SLC27A1: variants seen among roughly 807,000 people sequenced by gnomAD.
SLC27A1 encodes the protein long-chain fatty acid transport protein 1.
SLC27A1 carries 61 observed loss-of-function variants against 62.2 expected under a neutral mutation model. The observed-to-expected ratio is 0.98, with a 90% confidence interval of 0.80 to 1.21. The LOEUF (loss-of-function observed/expected upper bound fraction) is 1.21. SLC27A1 is among the 50% of genes most tolerant of loss of function. The pLI, the probability that SLC27A1 is intolerant of heterozygous loss-of-function variation, is 0.00. For missense variants in SLC27A1, 903 were observed against 932.1 expected, an observed-to-expected ratio of 0.97 and a Z score of 0.41; for synonymous variants, 435 against 408.6, an observed-to-expected ratio of 1.06 and a Z score of -0.78.
chr19:17,488,978 GGGAC>G (rs1237719151), intron 5 of SLC27A1, 26 bp from the exon 6 acceptor site: 2 of 1,613,888 alleles, frequency 1.2e-6, no homozygotes, highest in Admixed American at 3.3e-5. Context: ...GTGGGGGCGG[GGGAC>G]CCCTTACCAA....
chr19:17,502,446 G>A (rs368369743), intron 11 of SLC27A1, among the ~76,000 whole-genome samples: 3 of 139,330 alleles, frequency 2.2e-5, no homozygotes, highest in East Asian at 4.2e-4. Flanking sequence ...CTACCTCCTG[G>A]GTTCAAGCGA....
Position 17,470,574 on chromosome 19 carries a change from G to T in SLC27A1, c.34G>T (p.Val12Phe). ...RAPGAGAASV[V>F]SLALLWLLGL... is the part of the protein sequence containing the mutation. ...TCCGGGTGCGGGCGCGGCCTCGGTG[G>T]TCTCGCTGGCGCTGTTGTGGCTGCT... is the stretch of plus-strand genomic sequence containing the variant. The change falls in exon 1 of 12, where the codon GTC becomes TTC. Residue 12 changes from valine (V) to phenylalanine (F), a missense_variant. By Grantham distance (50) the Val-to-Phe change is conservative. Coordinates refer to ENST00000252595, the MANE Select transcript of SLC27A1 (RefSeq NM_198580.3). 2.5e-6 allele frequency: 4 copies of T among 1,570,390 alleles called. No homozygotes were observed. In the African/African-American group the frequency reaches 4.1e-5, roughly 16 times the overall value.
At chr19:17,502,921 C>T (rs572175680) in intron 11 of SLC27A1, among the ~76,000 whole-genome samples, 4 of 152,098 alleles carry the variant, frequency 2.6e-5, no homozygotes, top group South Asian at 2.1e-4. Flanking sequence ...AAGACATATC[C>T]GAGACTGGGT....
rs1490232290 is a variant in SLC27A1, at chr19:17,505,262, G to GT, written c.*651dup. The stretch of plus-strand genomic sequence containing the variant: ...TCCTGGGAGCTGCATCTTGTGTAGG[G>GT]TCCAGCTGCTTTTGGGGACTGCAGG... On this transcript the variant is annotated 3_prime_UTR_variant, in exon 12 of 12. Transcript: ENST00000252595. 1 of 221,392 alleles carries GT rather than the reference G, an allele frequency of 4.5e-6. No homozygotes were observed. The highest frequency in any genetic ancestry group is 2.3e-5 in the African/African-American group (1 of 42,784). 13.7% of individuals were successfully genotyped at this position (221,392 alleles called of 1,614,324 possible).
intron 1 of SLC27A1, among the ~76,000 whole-genome samples, chr19:17,477,296 G>A (rs1451817210): frequency 7.8e-6 from 1 of 128,394 alleles, no homozygotes; most frequent in Non-Finnish European, 1.6e-5. Context: ...GCCCAGGCTG[G>A]AGTGCAGTGG....
intron 11 of SLC27A1, among the ~76,000 whole-genome samples, chr19:17,501,992 T>C (rs887608987): frequency 2.6e-5 from 4 of 150,980 alleles, no homozygotes; most frequent in African/African-American, 9.7e-5. Flanking sequence ...GGCATGCACT[T>C]GTAGTCCCAG....
At chr19:17,488,980 G>A (rs555294638) in intron 5 of SLC27A1, 28 bp from the exon 6 acceptor site, 5 of 1,613,948 alleles carry the variant, frequency 3.1e-6, no homozygotes, top group African/African-American at 1.3e-5. Flanking sequence ...GGGGGCGGGG[G>A]ACCCCTTACC....
chr19:17,472,800 T>TAC (rs1444994503), intron 1 of SLC27A1, among the ~76,000 whole-genome samples: 1 of 152,070 alleles, frequency 6.6e-6, no homozygotes, highest in East Asian at 1.9e-4. Flanking sequence ...GTGCTGGGAT[T>TAC]ACAGGCATGA....
chr19:17,480,542 T>TTTC (rs1555743173), intron 1 of SLC27A1, among the ~76,000 whole-genome samples: 6 of 8,938 alleles, frequency 6.7e-4, no homozygotes, highest in Non-Finnish European at 3.2e-3. Context: ...AATTTTTTTC[T>TTTC]TTTTTTTTTT....
chr19:17,493,645 G>A (rs1016246555), intron 6 of SLC27A1, among the ~76,000 whole-genome samples: 1 of 148,802 alleles, frequency 6.7e-6, no homozygotes, highest in African/African-American at 2.5e-5. Flanking sequence ...TTTTTTTTGA[G>A]ACACAGTCTC....
In SLC27A1 at chr19:17,504,859, T is replaced by G; in HGVS notation, c.*247T>G. ...GTCTCCTTCCATCCCTGTCCCTGTC[T>G]GGCCTTAACTCTTCCCTCTTTTTCT... On this transcript the variant is annotated 3_prime_UTR_variant, in exon 12 of 12. Transcript: ENST00000252595. 1 of 682,470 alleles carries G rather than the reference T, an allele frequency of 1.5e-6. No homozygotes were observed. Among genetic ancestry groups the G allele is most frequent in the Non-Finnish European group, 2.7e-6 (1 of 372,792 alleles). The allele number at this position is 682,470 out of a possible 1,614,324, so 42.3% of individuals were successfully genotyped here.
intron 1 of SLC27A1, among the ~76,000 whole-genome samples, chr19:17,480,390 TGAA>T (rs897791824): frequency 1.3e-5 from 2 of 149,816 alleles, no homozygotes; most frequent in Non-Finnish European, 3.0e-5. Flanking sequence ...TTTTTTTTCA[TGAA>T]GAAGTTTTAC....
Position 17,495,229 on chromosome 19 carries a change from C to A in SLC27A1, c.997-2026C>A, listed in dbSNP as rs184759916. ...ACCTGAAGTGATCTGCCCACCTCGGCCCCCCAAAGTGCTGGGATTACAGGC... is the reference window on the plus strand; with the variant it reads ...ACCTGAAGTGATCTGCCCACCTCGGACCCCCAAAGTGCTGGGATTACAGGC... On this transcript the variant is annotated intron_variant, in intron 6 of 11. Coordinates refer to ENST00000252595, the MANE Select transcript of SLC27A1 (RefSeq NM_198580.3). 2.8e-3 allele frequency among the ~76,000 whole-genome samples: 427 copies of A among 151,894 alleles called. 4 individuals are homozygous for A. Among genetic ancestry groups the A allele is most frequent in the African/African-American group, 9.8e-3 (404 of 41,348 alleles).
chr19:17,500,813 G>A lies in SLC27A1; in HGVS notation c.1573G>A (p.Glu525Lys). 1 of 1,612,016 alleles carries A rather than the reference G, an allele frequency of 6.2e-7. No homozygotes were observed. The highest frequency in any genetic ancestry group is 8.5e-7 in the Non-Finnish European group (1 of 1,179,482). ...RGENVSTTEV[E>K]GVLSRLLGQT... The stretch of plus-strand genomic sequence containing the variant: ...GGAGAACGTCTCCACCACCGAGGTG[G>A]AGGGCGTGCTGAGCCGCCTGCTGGG... Residue 525 changes from glutamate (E) to lysine (K), a missense_variant, in exon 10 of 12, where the codon GAG becomes AAG. Coordinates refer to ENST00000252595, the MANE Select transcript of SLC27A1 (RefSeq NM_198580.3).
intron 2 of SLC27A1, 50 bp from the exon 3 acceptor site, chr19:17,487,124 G>T (rs1317742619): frequency 6.2e-7 from 1 of 1,611,406 alleles, no homozygotes; most frequent in Non-Finnish European, 8.5e-7. Flanking sequence ...CCAGGCCTCG[G>T]GAGGGGGCCT....
intron 7 of SLC27A1, chr19:17,498,296 G>A (rs1361468498): frequency 1.3e-5 from 2 of 151,996 alleles, no homozygotes; most frequent in Admixed American, 1.3e-4. Flanking sequence ...GTGAGCTCAC[G>A]AGATCGAGGC....
At chr19:17,495,929 A>C (rs1333193531) in intron 6 of SLC27A1, 1 of 152,548 alleles carries the variant, frequency 6.6e-6, no homozygotes, top group Non-Finnish European at 1.5e-5. Flanking sequence ...GTTTGAGCTG[A>C]GACTGAAGAG....
Position 17,487,521 on chromosome 19 carries a change from G to C in SLC27A1, c.786G>C (p.Val262=). Residue 262 remains valine (V), a synonymous_variant, in exon 4 of 12, where the codon GTG becomes GTC. Coordinates refer to ENST00000252595, the MANE Select transcript of SLC27A1 (RefSeq NM_198580.3). ...GGCTGCCCAAGGCTGCCATTGTCGT[G>C]CACAGCAGGTGAGGGGCCCACAGGC... ...TTGLPKAAIV[V]HSRYYRMAAF... is the part of the protein sequence containing the mutation. The C allele has an allele frequency of 1.9e-6, 3 of 1,611,334 alleles. No homozygotes were observed. The highest frequency in any genetic ancestry group is 2.5e-6 in the Non-Finnish European group (3 of 1,179,820).
At chr19:17,471,401 C>G (rs1050643474) in intron 1 of SLC27A1, among the ~76,000 whole-genome samples, 12 of 151,824 alleles carry the variant, frequency 7.9e-5, no homozygotes, top group Non-Finnish European at 1.5e-4. Context: ...TTTGGGGGGT[C>G]TCTTCTGGAG....
Sources: allele counts gnomAD v4.1 joint callset (sites outside exome capture counted in the v4.1 genomes callset), GRCh38; gene constraint gnomAD v4.1.1; transcripts MANE v1.5; gene names NCBI Gene and HGNC (gene_info 2026-07-23, HGNC 2026-07-21).